Variants in FARS2 observed in about 807,000 individuals in gnomAD.
FARS2 encodes the protein phenylalanine--tRNA ligase, mitochondrial.
In FARS2, 40 loss-of-function variants were observed where a neutral mutation model predicts 46.4. The ratio of observed to expected loss-of-function variants is 0.86; its 90% CI spans 0.67 to 1.12. The LOEUF (loss-of-function observed/expected upper bound fraction) is 1.12. Ranked by LOEUF, FARS2 falls within the 50% of genes most tolerant of loss-of-function variation. FARS2 has a pLI of 0.00. For synonymous variants in FARS2, 234 were observed against 214.9 expected, an observed-to-expected ratio of 1.09 and a Z score of -0.78; for missense variants, 513 against 567.9, an observed-to-expected ratio of 0.90 and a Z score of 0.98.
At chr6:5,505,483 G>A (rs1365531332) in intron 4 of FARS2, among the ~76,000 whole-genome samples, 1 of 152,174 alleles carries the variant, frequency 6.6e-6, no homozygotes, top group Non-Finnish European at 1.5e-5. Flanking sequence ...GTCCTGAAGC[G>A]ACATACATCC....
chr6:5,704,003 G>A (rs748971656), intron 6 of FARS2, among the ~76,000 whole-genome samples: 2 of 152,110 alleles, frequency 1.3e-5, no homozygotes, highest in Non-Finnish European at 2.9e-5. Context: ...CCTCCCTTTA[G>A]TGAGCTTTAG....
intron 6 of FARS2, among the ~76,000 whole-genome samples, chr6:5,743,435 G>T (rs143378766): frequency 1.3e-5 from 2 of 152,304 alleles, no homozygotes; most frequent in African/African-American, 4.8e-5. Context: ...CAGCTGAAAG[G>T]CCACAGTGTT....
chr6:5,382,785 A>G (rs143660107), intron 2 of FARS2, among the ~76,000 whole-genome samples: 1 of 152,336 alleles, frequency 6.6e-6, no homozygotes, highest in African/African-American at 2.4e-5. Flanking sequence ...GATATATAAT[A>G]AAAAGATGGC....
intron 1 of FARS2, among the ~76,000 whole-genome samples, chr6:5,329,296 A>G (rs754230687): frequency 3.3e-5 from 5 of 152,150 alleles, no homozygotes; most frequent in East Asian, 3.8e-4. Context: ...GTTTCTCCCA[A>G]TGTCAGAGTG....
At chr6:5,675,536 C>G (rs914670553) in intron 6 of FARS2, among the ~76,000 whole-genome samples, 1 of 152,162 alleles carries the variant, frequency 6.6e-6, no homozygotes, top group Non-Finnish European at 1.5e-5. Context: ...GTACCCAATA[C>G]AGTGTTAAAA....
At chr6:5,455,326 GAA>G (rs1348365779) in intron 4 of FARS2, among the ~76,000 whole-genome samples, 1 of 152,130 alleles carries the variant, frequency 6.6e-6, no homozygotes, top group East Asian at 1.9e-4. Context: ...ATTGCCAAGG[GAA>G]AATTTTTGAA....
At chr6:5,693,105 A>G (rs1157333670) in intron 6 of FARS2, among the ~76,000 whole-genome samples, 1 of 152,242 alleles carries the variant, frequency 6.6e-6, no homozygotes, top group Admixed American at 6.5e-5. Context: ...CTCTTCTGGC[A>G]TAGTAACATC....
intron 5 of FARS2, among the ~76,000 whole-genome samples, chr6:5,588,785 A>T (rs1306596766): frequency 6.6e-6 from 1 of 152,044 alleles, no homozygotes; most frequent in Non-Finnish European, 1.5e-5. Flanking sequence ...CTTTGTGGGG[A>T]TCCAACTGCC....
chr6:5,714,074 G>T (rs1246832504), intron 6 of FARS2, among the ~76,000 whole-genome samples: 1 of 152,218 alleles, frequency 6.6e-6, no homozygotes, highest in Admixed American at 6.5e-5. Flanking sequence ...ACGCCATTGT[G>T]TGTGTGTGTG....
intron 1 of FARS2, among the ~76,000 whole-genome samples, chr6:5,319,432 C>G (rs529466599): frequency 6.6e-6 from 1 of 152,202 alleles, no homozygotes; most frequent in Non-Finnish European, 1.5e-5. Flanking sequence ...GCATGTGGCC[C>G]CTCCCAAGTG....
chr6:5,533,982 C>T (rs1003839983), intron 4 of FARS2, among the ~76,000 whole-genome samples: 1 of 152,172 alleles, frequency 6.6e-6, no homozygotes, highest in East Asian at 1.9e-4. Flanking sequence ...TAGAATAGAA[C>T]CTTAGTTAAC....
chr6:5,388,418 G>A (rs1273890886), intron 2 of FARS2, among the ~76,000 whole-genome samples: 2 of 152,052 alleles, frequency 1.3e-5, no homozygotes, highest in Non-Finnish European at 2.9e-5. Flanking sequence ...GGTTCATCGG[G>A]GATTAATAAT....
intron 6 of FARS2, among the ~76,000 whole-genome samples, chr6:5,709,462 A>G (rs1408641661): frequency 3.9e-5 from 6 of 152,202 alleles, no homozygotes; most frequent in Non-Finnish European, 8.8e-5. Flanking sequence ...TCTGATGTAC[A>G]CAGTGAGCTG....
intron 4 of FARS2, among the ~76,000 whole-genome samples, chr6:5,476,683 G>A (rs1000896980): frequency 6.6e-6 from 1 of 152,152 alleles, no homozygotes; most frequent in Admixed American, 6.5e-5. Flanking sequence ...TTGCCATGCC[G>A]AGGAGTTCAC....
intron 6 of FARS2, among the ~76,000 whole-genome samples, chr6:5,744,070 G>A (rs1761505101): frequency 6.6e-6 from 1 of 152,212 alleles, no homozygotes; most frequent in Admixed American, 6.5e-5. Flanking sequence ...TTTAGGAACA[G>A]GGGATAACCC....
At chr6:5,582,543 C>G (rs1341846293) in intron 5 of FARS2, among the ~76,000 whole-genome samples, 10 of 152,210 alleles carry the variant, frequency 6.6e-5, no homozygotes, top group Admixed American at 5.9e-4. Context: ...CGGTACACAA[C>G]TATCAGGTGG....
intron 4 of FARS2, among the ~76,000 whole-genome samples, chr6:5,514,540 T>C (rs756395492): frequency 5.3e-5 from 8 of 152,214 alleles, no homozygotes; most frequent in Non-Finnish European, 5.9e-5. Context: ...CACCCCACAA[T>C]TGGCTGAACT....
At chr6:5,401,253 G>A (rs2432782) in intron 2 of FARS2, among the ~76,000 whole-genome samples, 5,909 of 151,986 alleles carry the variant, frequency 0.039, 385 homozygotes, top group African/African-American at 0.13. Flanking sequence ...TACAATATAT[G>A]TTTTATTATG....
At chr6:5,423,011 C>T (rs1186022191) in intron 3 of FARS2, among the ~76,000 whole-genome samples, 3 of 152,154 alleles carry the variant, frequency 2.0e-5, no homozygotes, top group Non-Finnish European at 4.4e-5. Context: ...CCTGAGGTCA[C>T]TCAGCTGCAA....
Sources: gnomAD v4.1 joint callset for allele counts (sites outside exome capture counted in the v4.1 genomes callset) on GRCh38, gnomAD v4.1.1 for gene constraint, MANE v1.5 for transcripts, NCBI Gene and HGNC (gene_info 2026-07-23, HGNC 2026-07-21) for gene names.